Variants in PRKCA observed in about 807,000 individuals in gnomAD.
PRKCA encodes the protein protein kinase C alpha.
Under a neutral mutation model 87.0 loss-of-function variants are expected in PRKCA, and 27 were observed. That is an observed-to-expected ratio of 0.31 (90% CI 0.23 to 0.43). PRKCA has a LOEUF of 0.43. Among genes scored for constraint, PRKCA ranks in the 20% least tolerant of loss-of-function variants. PRKCA has a pLI of 1.00. For synonymous variants in PRKCA, 329 were observed against 311.1 expected, an observed-to-expected ratio of 1.06 and a Z score of -0.61; for missense variants, 518 against 852.3, an observed-to-expected ratio of 0.61 and a Z score of 4.88.
chr17:66,315,186 T>C (rs1905255976), intron 2 of PRKCA, among the ~76,000 whole-genome samples: 1 of 152,188 alleles, frequency 6.6e-6, no homozygotes, highest in Non-Finnish European at 1.5e-5. Context: ...AGCACTCACT[T>C]TTAACTCACT....
At chr17:66,593,220 C>T (rs1044654608) in intron 3 of PRKCA, among the ~76,000 whole-genome samples, 25 of 152,176 alleles carry the variant, frequency 1.6e-4, no homozygotes, top group Admixed American at 1.6e-3. Context: ...AGAGAGAAGT[C>T]GGTGTTTCCT....
rs563781213 is a variant in PRKCA at position 66,338,808 on chromosome 17, G to A, written c.205+32681G>A. ...CTTCCTGGCAGGAGTTTCATACAGCGGTGTCTCAGACACTGACCAAATCTG... is the reference window on the plus strand; with the variant it reads ...CTTCCTGGCAGGAGTTTCATACAGCAGTGTCTCAGACACTGACCAAATCTG... On this transcript the variant is annotated intron_variant, in intron 2 of 16. Coordinates refer to ENST00000413366, the MANE Select transcript of PRKCA (RefSeq NM_002737.3). Among the ~76,000 whole-genome samples, 3 of 152,188 alleles carry A rather than the reference G, an allele frequency of 2.0e-5. No homozygotes were observed. The East Asian group carries it at 5.8e-4, about 29-fold the overall frequency.
chr17:66,781,983 G>A (rs1320387620), intron 14 of PRKCA, among the ~76,000 whole-genome samples: 1 of 150,882 alleles, frequency 6.6e-6, no homozygotes, highest in Admixed American at 6.6e-5. Context: ...GTGCAATCTC[G>A]GCTCACCGCA....
chr17:66,745,283 A>G (rs1974246453), intron 13 of PRKCA, among the ~76,000 whole-genome samples: 1 of 152,180 alleles, frequency 6.6e-6, no homozygotes, highest in African/African-American at 2.4e-5. Flanking sequence ...TGCTCTAGAT[A>G]CTTTCACATC....
chr17:66,442,031 C>T (rs770862124), intron 2 of PRKCA, among the ~76,000 whole-genome samples: 3 of 151,842 alleles, frequency 2.0e-5, no homozygotes, highest in Non-Finnish European at 2.9e-5. Context: ...TTTTATATAG[C>T]ATCATGTTTT....
At chr17:66,633,200 A>G (rs1020025528) in intron 3 of PRKCA, among the ~76,000 whole-genome samples, 3 of 152,180 alleles carry the variant, frequency 2.0e-5, no homozygotes, top group Non-Finnish European at 4.4e-5. Flanking sequence ...TAATAATTAC[A>G]GTGGTCCCCA....
At chr17:66,663,074 C>T (rs533601612) in intron 5 of PRKCA, among the ~76,000 whole-genome samples, 2 of 152,134 alleles carry the variant, frequency 1.3e-5, no homozygotes, top group Non-Finnish European at 2.9e-5. Context: ...ACAGTTGCCT[C>T]CTAATCAGGA....
chr17:66,347,941 C>CTTTCTTTTTTTTT (rs1907496350), intron 2 of PRKCA, among the ~76,000 whole-genome samples: 1 of 56,440 alleles, frequency 1.8e-5, no homozygotes, highest in Non-Finnish European at 3.3e-5. Flanking sequence ...AATTCTGAAC[C>CTTTCTTTTTTTTT]TTTTTTTTTT....
intron 3 of PRKCA, among the ~76,000 whole-genome samples, chr17:66,611,617 G>T (rs573851832): frequency 2.0e-4 from 30 of 152,300 alleles, no homozygotes; most frequent in African/African-American, 5.3e-4. Flanking sequence ...TCTACATTTT[G>T]GCTATTGTGA....
intron 2 of PRKCA, among the ~76,000 whole-genome samples, chr17:66,439,681 A>T (rs1913617722): frequency 6.6e-6 from 1 of 152,144 alleles, no homozygotes. Context: ...ACAGTTGCAA[A>T]ATAGGGTGCC....
intron 8 of PRKCA, among the ~76,000 whole-genome samples, chr17:66,692,356 C>T (rs541553546): frequency 6.6e-6 from 1 of 152,294 alleles, no homozygotes; most frequent in East Asian, 1.9e-4. Context: ...AGGATGGCGT[C>T]AAAAAGATGC....
chr17:66,368,431 C>A (rs111583078), intron 2 of PRKCA, among the ~76,000 whole-genome samples: 2 of 123,238 alleles, frequency 1.6e-5, no homozygotes, highest in African/African-American at 6.2e-5. Flanking sequence ...GTCTCTGTCA[C>A]CCAGGCTGGA....
chr17:66,302,847 G>T lies in PRKCA; in HGVS notation c.-5G>T. 5 of 1,594,334 alleles carry T rather than the reference G, an allele frequency of 3.1e-6. No individual in the cohort carries two copies. The highest frequency in any genetic ancestry group is 4.3e-6 in the Non-Finnish European group (5 of 1,171,158). On this transcript the variant is annotated 5_prime_UTR_variant, in exon 1 of 17. Transcript: ENST00000413366. ...GGCGGAGGCAAGAGGTGGTTGGGGGGGACCATGGCTGACGTTTTCCCGGGC... is the reference window on the plus strand; with the variant it reads ...GGCGGAGGCAAGAGGTGGTTGGGGGTGACCATGGCTGACGTTTTCCCGGGC...
chr17:66,686,992 A>C, intron 5 of PRKCA, 119 bp from the exon 6 acceptor site: 1 of 908,162 alleles, frequency 1.1e-6, no homozygotes. Flanking sequence ...GGCTTCCACC[A>C]TCTGTCTCCT....
At chr17:66,658,546 G>C (rs943279580) in intron 5 of PRKCA, among the ~76,000 whole-genome samples, 1 of 152,022 alleles carries the variant, frequency 6.6e-6, no homozygotes, top group East Asian at 1.9e-4. Flanking sequence ...TCTTCACCTC[G>C]TCCTTCCTAC....
intron 3 of PRKCA, among the ~76,000 whole-genome samples, chr17:66,530,303 C>T (rs1021654855): frequency 6.6e-6 from 1 of 152,080 alleles, no homozygotes; most frequent in African/African-American, 2.4e-5. Flanking sequence ...CCTGAAACAC[C>T]AAGACTCATT....
chr17:66,633,083 T>C (rs1224575257), intron 3 of PRKCA, among the ~76,000 whole-genome samples: 1 of 152,212 alleles, frequency 6.6e-6, no homozygotes, highest in African/African-American at 2.4e-5. Flanking sequence ...AAGATCAGTA[T>C]GGTCAGAGGC....
Position 66,807,598 on chromosome 17 carries a change from C to G in PRKCA, c.*3561C>G, listed in dbSNP as rs566357896. 2 of 152,222 alleles carry G rather than the reference C, an allele frequency of 1.3e-5. No individual in the cohort carries two copies. Among genetic ancestry groups the G allele is most frequent in the Non-Finnish European group, 2.9e-5 (2 of 68,030 alleles). 9.4% of individuals were successfully genotyped at this position (152,222 alleles called of 1,614,324 possible). A position where few individuals can be genotyped will look rare whatever the true frequency, so the allele number is the denominator to read the frequency against. On this transcript the variant is annotated 3_prime_UTR_variant, in exon 17 of 17. Transcript: ENST00000413366. This position sits in a 1 kb window ranked among gnomAD's most constrained non-coding sequence, Gnocchi z 4.3. ...GTGGTCCATGCAGGGCCACTGTCTGCCCTTTCTGATGCCACGTATTAGGCT... is the reference window on the plus strand; with the variant it reads ...GTGGTCCATGCAGGGCCACTGTCTGGCCTTTCTGATGCCACGTATTAGGCT...
intron 2 of PRKCA, among the ~76,000 whole-genome samples, chr17:66,483,844 A>G (rs1030127747): frequency 1.3e-5 from 2 of 152,112 alleles, no homozygotes; most frequent in South Asian, 2.1e-4. Context: ...TTCTCTAATT[A>G]TATCTGCAGC....
Sources: gnomAD v4.1 joint callset for allele counts (sites outside exome capture counted in the v4.1 genomes callset) on GRCh38, gnomAD v4.1.1 for gene constraint, Gnocchi (gnomAD v3.1) non-coding constraint, MANE v1.5 for transcripts, NCBI Gene and HGNC (gene_info 2026-07-23, HGNC 2026-07-21) for gene names.